The following APOBEC3C variants were observed in gnomAD, a reference collection of about 807,000 sequenced individuals.
APOBEC3C encodes the protein DNA dC->dU-editing enzyme APOBEC-3C.
Under a neutral mutation model 20.6 loss-of-function variants are expected in APOBEC3C, and 14 were observed. The observed-to-expected ratio is 0.68, with a 90% CI of 0.45 to 1.06. The LOEUF is 1.06. Among genes scored for constraint, APOBEC3C ranks in the 50% least tolerant of loss-of-function variants. The pLI is 0.00. For missense variants in APOBEC3C, 244 were observed against 241.9 expected, an observed-to-expected ratio of 1.01 and a Z score of -0.06; for synonymous variants, 98 against 88.8, an observed-to-expected ratio of 1.10 and a Z score of -0.58.
chr22:39,018,694 C>G lies in APOBEC3C; in HGVS notation c.*307C>G, dbSNP rs7584. ...CATAACCAAATCTTACTAAACTCAT[C>G]CTAGGCTGGGCATGGTGACTCACGC... On this transcript the variant is annotated 3_prime_UTR_variant, in exon 4 of 4. Coordinates refer to ENST00000361441, the MANE Select transcript of APOBEC3C (RefSeq NM_014508.3). 74,398 of 217,522 alleles carry G rather than the reference C, an allele frequency of 0.34. 13,270 individuals carry two copies. The highest frequency in any genetic ancestry group is 0.43 in the Middle Eastern group (254 of 586). The allele number at this position is 217,522 out of a possible 1,614,324, so 13.5% of individuals were successfully genotyped here. A position where few individuals can be genotyped will look rare whatever the true frequency, so the allele number is the denominator to read the frequency against.
intron 2 of APOBEC3C, 68 bp from the exon 3 acceptor site, chr22:39,017,698 C>A (rs1197823803): frequency 1.3e-6 from 2 of 1,557,130 alleles, no homozygotes; most frequent in African/African-American, 2.7e-5. Context: ...CTGCTCCCAT[C>A]GCCCCACCCC....
intron 1 of APOBEC3C, among the ~76,000 whole-genome samples, chr22:39,015,300 A>G (rs971033196): frequency 1.3e-4 from 19 of 151,966 alleles, no homozygotes; most frequent in Non-Finnish European, 2.2e-4. Flanking sequence ...CTTTAAAAAA[A>G]AAAAAAAAAA....
At position 39,018,309 on chromosome 22, in the gene APOBEC3C, T is replaced by G. The variant is rs984768424; in HGVS notation, c.495T>G (p.Asn165Lys). ...YCWENFVYND[N>K]EPFKPWKGLK... ...GGGAAAACTTTGTGTACAATGATAA[T>G]GAGCCATTCAAGCCTTGGAAGGGAT... The change falls in exon 4 of 4, where the codon AAT becomes AAG. Residue 165 changes from asparagine to lysine, a missense_variant. Asn to Lys is a moderately conservative substitution (Grantham distance 94). Transcript: ENST00000361441. 7 of 1,614,012 alleles carry G rather than the reference T, an allele frequency of 4.3e-6. No homozygotes were observed. In the East Asian group the frequency reaches 1.6e-4, roughly 36 times the overall value.
intron 1 of APOBEC3C, among the ~76,000 whole-genome samples, chr22:39,014,802 C>CA (rs1924723963): frequency 6.6e-6 from 1 of 152,130 alleles, no homozygotes; most frequent in African/African-American, 2.4e-5. Flanking sequence ...TGTTTCAATA[C>CA]AAAGTCTTAG....
In APOBEC3C at chr22:39,017,741, T is replaced by A. The variant is rs1368352866; in HGVS notation, c.175-25T>A. On this transcript the variant is annotated intron_variant, in intron 2 of 3. Coordinates refer to ENST00000361441, the MANE Select transcript of APOBEC3C (RefSeq NM_014508.3). ...CTCCTGCTCCTGGTCTGAGCTCCCC[T>A]GTCCTCCTCCTCCTCCTTCGCCAGG... 25 of 1,605,098 alleles carry A rather than the reference T, an allele frequency of 1.6e-5. No homozygotes were observed. The Admixed American group carries it at 4.2e-4, about 27-fold the overall frequency.
Position 39,018,503 on chromosome 22 carries a change from G to A in APOBEC3C, c.*116G>A. 7.9e-7 allele frequency: 1 copy of A among 1,262,664 alleles called. No homozygotes were observed. Among genetic ancestry groups the A allele is most frequent in the Non-Finnish European group, 1.1e-6 (1 of 905,886 alleles). The allele number at this position is 1,262,664 out of a possible 1,614,324, so 78.2% of individuals were successfully genotyped here. ...GCCTGGTCATCCTGAGCCCCTCCTG[G>A]CCTCAGGGCCATTCCACAGTGCTCC... On this transcript the variant is annotated 3_prime_UTR_variant, in exon 4 of 4. Transcript: ENST00000361441.
At chr22:39,016,492 C>G (rs1322270278) in intron 2 of APOBEC3C, among the ~76,000 whole-genome samples, 3 of 150,260 alleles carry the variant, frequency 2.0e-5, no homozygotes, top group Non-Finnish European at 4.4e-5. Flanking sequence ...GCTGGGATTA[C>G]AGGCATGAGC....
chr22:39,016,381 C>CTTTTTTTTTTT (rs575173801), intron 2 of APOBEC3C, among the ~76,000 whole-genome samples: 8 of 122,892 alleles, frequency 6.5e-5, no homozygotes, highest in African/African-American at 2.5e-4. Flanking sequence ...TTCTTTTTTT[C>CTTTTTTTTTTT]TTTTTTTTTT....
chr22:39,017,840 CACAA>C lies in APOBEC3C; in HGVS notation c.251_254del (p.Thr84SerfsTer30). The C allele has an allele frequency of 6.2e-7, 1 of 1,614,132 alleles. No homozygotes were observed. Among genetic ancestry groups the C allele is most frequent in the Non-Finnish European group, 8.5e-7 (1 of 1,179,996 alleles). The stretch of plus-strand genomic sequence containing the variant: ...TCTGCGACGACATACTGTCTCCTAA[CACAA>C]AGTACCAGGTCACCTGGTACACATC... On this transcript the variant is annotated frameshift_variant, in exon 3 of 4. Coordinates refer to ENST00000361441, the MANE Select transcript of APOBEC3C (RefSeq NM_014508.3). LOFTEE classifies it high-confidence loss of function.
intron 2 of APOBEC3C, 83 bp from the exon 3 acceptor site, chr22:39,017,683 G>A (rs1386065779): frequency 1.1e-5 from 17 of 1,513,598 alleles, no homozygotes; most frequent in East Asian, 2.3e-5. Context: ...CTCCAGGCCC[G>A]CCCTCTGCTC....
chr22:39,015,583 T>C lies in APOBEC3C; in HGVS notation c.18-12T>C, dbSNP rs769224850. 6.2e-7 allele frequency: 1 copy of C among 1,613,394 alleles called. No individual in the cohort carries two copies. The highest frequency in any genetic ancestry group is 1.1e-5 in the South Asian group (1 of 91,054). ...GGGTCTCTGCATTGGGGTTTCTCTC[T>C]TGTGCCTTCAGAAACCCGATGAAGG... On this transcript the variant is annotated splice_polypyrimidine_tract_variant and intron_variant, in intron 1 of 3. Transcript: ENST00000361441.
chr22:39,015,484 G>A (rs868429335), intron 1 of APOBEC3C, 111 bp from the exon 2 acceptor site: 3 of 1,255,372 alleles, frequency 2.4e-6, no homozygotes, highest in African/African-American at 1.5e-5. Context: ...GTGGAGGGAT[G>A]GGGGAGGCCC....
intron 2 of APOBEC3C, among the ~76,000 whole-genome samples, chr22:39,016,585 G>T (rs1051700701): frequency 6.6e-6 from 1 of 151,990 alleles, no homozygotes; most frequent in Admixed American, 6.6e-5. Flanking sequence ...ATCGTGGAGG[G>T]GGTTTGCTTC....
At chr22:39,018,109 C>T in intron 3 of APOBEC3C, 64 bp downstream of exon 3, 12 of 1,593,012 alleles carry the variant, frequency 7.5e-6, no homozygotes, top group Non-Finnish European at 1.0e-5. Context: ...AGATGGTTCT[C>T]CAATGCTGTG....
intron 1 of APOBEC3C, among the ~76,000 whole-genome samples, chr22:39,015,056 G>C (rs1924731969): frequency 6.6e-6 from 1 of 152,148 alleles, no homozygotes; most frequent in South Asian, 2.1e-4. Flanking sequence ...CTAGCACTTT[G>C]GGAGGCTGAG....
At position 39,018,409 on chromosome 22, in the gene APOBEC3C, G is replaced by A. The variant is rs1183604789; in HGVS notation, c.*22G>A. 5.6e-6 allele frequency: 9 copies of A among 1,609,410 alleles called. No homozygotes were observed. The African/African-American group carries it at 1.1e-4, about 19-fold the overall frequency. ...GTGAGGGGTCTCCCTGGGCCTCATG[G>A]TCTGTCTCCTCTAGCCTCCTGCTCA... On this transcript the variant is annotated 3_prime_UTR_variant, in exon 4 of 4. Coordinates refer to ENST00000361441, the MANE Select transcript of APOBEC3C (RefSeq NM_014508.3).
Position 39,015,732 on chromosome 22 carries a change from C to T in APOBEC3C, c.155C>T (p.Thr52Met), listed in dbSNP as rs201799439. The change falls in exon 2 of 4, where the codon ACG (threonine) becomes ATG (methionine). Residue 52 changes from threonine (T) to methionine (M), a missense_variant. By Grantham distance (81) the Thr-to-Met change is moderately conservative. Transcript: ENST00000361441. ...IKRRSVVSWK[T>M]GVFRNQVDSE... ...CGCCGCTCAGTTGTCTCCTGGAAGA[C>T]GGGCGTCTTCCGAAACCAGGTAGCA... is the stretch of plus-strand genomic sequence containing the variant. 112 of 1,613,866 alleles carry T rather than the reference C, an allele frequency of 6.9e-5. No individual in the cohort carries two copies. In the Middle Eastern group the frequency reaches 2.3e-3, roughly 33 times the overall value.
intron 1 of APOBEC3C, 59 bp downstream of exon 1, chr22:39,014,438 G>C (rs969088331): frequency 7.2e-5 from 116 of 1,611,666 alleles, no homozygotes; most frequent in Middle Eastern, 5.7e-4. Flanking sequence ...AGGCGGTCCT[G>C]CTGGGCCTCA....
chr22:39,017,968 T>C lies in APOBEC3C; in HGVS notation c.377T>C (p.Phe126Ser), dbSNP rs1209917610. The C allele has an allele frequency of 1.2e-6, 2 of 1,614,160 alleles. No homozygotes were observed. Among genetic ancestry groups the C allele is most frequent in the Non-Finnish European group, 8.5e-7 (1 of 1,180,030 alleles). Residue 126 changes from phenylalanine to serine, a missense_variant, in exon 3 of 4, where the codon TTC becomes TCC. Transcript: ENST00000361441. ...LTIFTARLYY[F>S]QYPCYQEGLR... The stretch of plus-strand genomic sequence containing the variant: ...ATCTTCACCGCCCGCCTCTACTACT[T>C]CCAGTATCCATGTTACCAGGAGGGG...
Sources: allele counts gnomAD v4.1 joint callset (sites outside exome capture counted in the v4.1 genomes callset), GRCh38; gene constraint gnomAD v4.1.1; transcripts MANE v1.5; gene names NCBI Gene and HGNC (gene_info 2026-07-23, HGNC 2026-07-21).